The following PSMD11 variants were observed in gnomAD, a reference collection of about 807,000 sequenced individuals.
PSMD11 encodes the protein proteasome 26S subunit, non-ATPase 11, also known as 26S proteasome non-ATPase regulatory subunit 11.
A neutral mutation model predicts 62.3 loss-of-function variants in PSMD11; 5 were observed. The ratio of observed to expected loss-of-function variants is 0.08; its 90% CI spans 0.04 to 0.17. The LOEUF (loss-of-function observed/expected upper bound fraction) is 0.17, where lower values mean the gene tolerates loss of function less well. Ranked by LOEUF, PSMD11 falls within the 10% of genes least tolerant of loss-of-function variation. The pLI is 1.00. For missense variants in PSMD11, 310 were observed against 512.9 expected (o/e 0.60, Z 3.82); for synonymous variants, 191 against 191.8 (o/e 1.00, Z 0.03).
At chr17:32,477,786 A>G in intron 9 of PSMD11, 1 of 381,746 alleles carries the variant, frequency 2.6e-6, no homozygotes, top group Non-Finnish European at 4.6e-6. Flanking sequence ...TAAAATATAT[A>G]TTATTTATAC....
intron 1 of PSMD11, chr17:32,444,930 C>T: frequency 6.8e-6 from 3 of 443,434 alleles, no homozygotes; most frequent in Non-Finnish European, 1.2e-5. Flanking sequence ...CTGGCCCGCA[C>T]GAGCTGGTCT....
intron 6 of PSMD11, among the ~76,000 whole-genome samples, chr17:32,473,015 G>A (rs376137477): frequency 1.4e-3 from 208 of 151,240 alleles, no homozygotes; most frequent in African/African-American, 4.9e-3. Context: ...AAAATTAGCC[G>A]GGCGTGGTAG....
rs769713424 is a variant in PSMD11, at chr17:32,474,818, G to A, written c.843G>A (p.Gly281=). 6.2e-7 allele frequency: 1 copy of A among 1,613,934 alleles called. No individual in the cohort carries two copies. The highest frequency in any genetic ancestry group is 8.5e-7 in the Non-Finnish European group (1 of 1,179,838). The stretch of plus-strand genomic sequence containing the variant: ...GGAAGCTTGCACTTCGGTATGCAGG[G>A]AGGCAGGTAGGGACTCCCTTGACTG... ...VSGKLALRYA[G]RQTEALKCVA... The change falls in exon 8 of 14, where the codon GGG becomes GGA. Residue 281 remains glycine, a synonymous_variant. Coordinates refer to ENST00000261712, the MANE Select transcript of PSMD11 (RefSeq NM_002815.4).
intron 6 of PSMD11, among the ~76,000 whole-genome samples, chr17:32,471,328 G>A (rs1430586050): frequency 1.3e-5 from 2 of 152,180 alleles, no homozygotes; most frequent in Admixed American, 6.5e-5. Context: ...TAGGGGATTG[G>A]TTAGGTCAAC....
intron 1 of PSMD11, 169 bp downstream of exon 1, chr17:32,444,783 G>T: frequency 1.4e-6 from 1 of 735,096 alleles, no homozygotes; most frequent in Non-Finnish European, 2.1e-6. Context: ...AGCCTCCCAG[G>T]TCTCACTCTT....
intron 4 of PSMD11, among the ~76,000 whole-genome samples, 160 bp from the exon 5 acceptor site, chr17:32,464,361 A>C (rs1018964841): frequency 6.6e-6 from 1 of 152,206 alleles, no homozygotes; most frequent in African/African-American, 2.4e-5. Flanking sequence ...TGCTGGCTAT[A>C]ATAGGAGACA....
At chr17:32,449,993 A>G (rs186244892) in intron 2 of PSMD11, among the ~76,000 whole-genome samples, 7 of 152,376 alleles carry the variant, frequency 4.6e-5, no homozygotes, top group African/African-American at 1.7e-4. Context: ...AGTGTTGAGC[A>G]TCATCAGACA....
chr17:32,471,029 G>A (rs983106119), intron 6 of PSMD11, among the ~76,000 whole-genome samples: 4 of 152,170 alleles, frequency 2.6e-5, no homozygotes, highest in African/African-American at 7.2e-5. Context: ...TGTCAGCAGC[G>A]TCATCCTTTG....
chr17:32,474,334 A>G (rs910219211), intron 7 of PSMD11, among the ~76,000 whole-genome samples: 1 of 152,250 alleles, frequency 6.6e-6, no homozygotes, highest in African/African-American at 2.4e-5. Flanking sequence ...AAAGTGGACA[A>G]CAAAAGTATG....
rs774553359 is a variant in PSMD11, at chr17:32,473,856, T to C, written c.699T>C (p.Tyr233=). ...GGAAAACTGCGTACTCATACTTCTATGAGGCATTTGAGGGTTATGACTCCA... is the reference window on the plus strand; with the variant it reads ...GGAAAACTGCGTACTCATACTTCTACGAGGCATTTGAGGGTTATGACTCCA... ...KDWKTAYSYF[Y]EAFEGYDSID... Residue 233 remains tyrosine, a synonymous_variant, in exon 7 of 14, where the codon TAT becomes TAC. Coordinates refer to ENST00000261712, the MANE Select transcript of PSMD11 (RefSeq NM_002815.4). 5.0e-6 allele frequency: 8 copies of C among 1,613,910 alleles called. No homozygotes were observed. In the Admixed American group the frequency reaches 5.0e-5, roughly 10 times the overall value.
chr17:32,470,413 A>G (rs1043738359), intron 6 of PSMD11, among the ~76,000 whole-genome samples: 1 of 152,018 alleles, frequency 6.6e-6, no homozygotes, highest in Admixed American at 6.6e-5. Context: ...CCTGGGTTCA[A>G]GCGATTCTCC....
At chr17:32,444,769 C>G in intron 1 of PSMD11, 155 bp downstream of exon 1, 2 of 797,794 alleles carry the variant, frequency 2.5e-6, no homozygotes, top group South Asian at 3.6e-5. Context: ...TCGGAGCTCC[C>G]CAGAGCCTCC....
At position 32,446,956 on chromosome 17, in the gene PSMD11, A is replaced by T; in HGVS notation, c.103A>T (p.Ile35Phe). Reference sequence around the variant, plus strand: ...TTTTCCTCTCCCAGTGAAGCGTGACATTCAGGAAAACGATGAAGAGGCAGT... The same window carrying T: ...TTTTCCTCTCCCAGTGAAGCGTGACTTTCAGGAAAACGATGAAGAGGCAGT... Reference protein sequence around the residue: ...DILHSIVKRDIQENDEEAVQV... With the variant: ...DILHSIVKRDFQENDEEAVQV... Residue 35 changes from isoleucine to phenylalanine, a missense_variant, in exon 2 of 14, where the codon ATT (isoleucine) becomes TTT (phenylalanine). Physicochemically the swap from Ile to Phe is conservative, Grantham distance 21. Transcript: ENST00000261712. 6.2e-7 allele frequency: 1 copy of T among 1,610,932 alleles called. No individual in the cohort carries two copies. Among genetic ancestry groups the T allele is most frequent in the Non-Finnish European group, 8.5e-7 (1 of 1,178,454 alleles).
intron 1 of PSMD11, 46 bp from the exon 2 acceptor site, chr17:32,446,899 A>T: frequency 1.4e-6 from 2 of 1,411,648 alleles, no homozygotes; most frequent in Non-Finnish European, 9.8e-7. Flanking sequence ...CTCAGTCTTC[A>T]TTTTTTGGTC....
chr17:32,454,673 A>T lies in PSMD11; in HGVS notation c.318+54A>T, dbSNP rs149054306. ...CAATATGGAGAAAAGTTTGTTTCCA[A>T]GAAAGAAATGCCTACCTGCACTTTA... On this transcript the variant is annotated intron_variant, in intron 3 of 13. Transcript: ENST00000261712. The T allele has an allele frequency of 1.1e-3, 1,667 of 1,586,088 alleles. 13 individuals are homozygous for T. In the African/African-American group the frequency reaches 0.018, roughly 18 times the overall value.
chr17:32,456,863 C>T (rs1159645819), intron 3 of PSMD11, among the ~76,000 whole-genome samples: 1 of 152,022 alleles, frequency 6.6e-6, no homozygotes, highest in African/African-American at 2.4e-5. Context: ...GACGGGGTTT[C>T]ACCATGTTGG....
At chr17:32,479,405 G>A in intron 10 of PSMD11, 29 bp downstream of exon 10, 2 of 1,611,358 alleles carry the variant, frequency 1.2e-6, no homozygotes, top group Non-Finnish European at 1.7e-6. Context: ...CTCCATTTCT[G>A]GCCAGGCATT....
chr17:32,451,755 T>C (rs1234510330), intron 2 of PSMD11, among the ~76,000 whole-genome samples: 1 of 152,200 alleles, frequency 6.6e-6, no homozygotes, highest in Admixed American at 6.5e-5. Context: ...TTTTGTTTTT[T>C]TGAGACAGAG....
intron 3 of PSMD11, among the ~76,000 whole-genome samples, chr17:32,459,300 C>G (rs1907754350): frequency 6.6e-6 from 1 of 151,906 alleles, no homozygotes; most frequent in Non-Finnish European, 1.5e-5. Context: ...CTCACTGCAG[C>G]CTCAACTTCC....
Sources: allele counts gnomAD v4.1 joint callset (sites outside exome capture counted in the v4.1 genomes callset), GRCh38; gene constraint gnomAD v4.1.1; transcripts MANE v1.5; gene names NCBI Gene and HGNC (gene_info 2026-07-23, HGNC 2026-07-21).